VWA3B: variants seen among roughly 807,000 people sequenced by gnomAD.
The protein encoded by VWA3B is von Willebrand factor A domain-containing protein 3B.
Under a neutral mutation model 158.3 loss-of-function variants are expected in VWA3B, and 138 were observed. The ratio of observed to expected loss-of-function variants is 0.87; its 90% CI spans 0.76 to 1.00. The LOEUF (loss-of-function observed/expected upper bound fraction) is 1.00, where lower values mean the gene tolerates loss of function less well. Ranked by LOEUF, VWA3B falls within the 50% of genes least tolerant of loss-of-function variation. The pLI is 0.00. For missense variants in VWA3B, 1,555 were observed against 1,565.1 expected (o/e 0.99, Z 0.11); for synonymous variants, 596 against 587.3 (o/e 1.01, Z -0.21).
At position 98,185,372 on chromosome 2, in the gene VWA3B, T is replaced by TAATGCC. The variant is rs528010880; in HGVS notation, c.1312-2600_1312-2595dup. Among the ~76,000 whole-genome samples, 5 of 152,378 alleles carry TAATGCC rather than the reference T, an allele frequency of 3.3e-5. No homozygotes were observed. In the South Asian group the frequency reaches 1.0e-3, roughly 32 times the overall value. On this transcript the variant is annotated intron_variant, in intron 9 of 27. Transcript: ENST00000477737. The stretch of plus-strand genomic sequence containing the variant: ...GCAAAACCCCAGATTTAACCCTGGC[T>TAATGCC]AATGCCAACTTTCCGTCTTTTCTGG...
rs1026143982 is a variant in VWA3B, at chr2:98,194,237, A to C, written c.1606-124A>C. ...AGATAGGATATTCTCTATTGAATAT[A>C]ATTTTTTGCTTCTTGAACTGAAAAT... On this transcript the variant is annotated intron_variant, in intron 11 of 27. Coordinates refer to ENST00000477737, the MANE Select transcript of VWA3B (RefSeq NM_144992.5). 5 of 875,788 alleles carry C rather than the reference A, an allele frequency of 5.7e-6. No individual in the cohort carries two copies. The Admixed American group carries it at 1.0e-4, about 18-fold the overall frequency. The allele number at this position is 875,788 out of a possible 1,614,324, so 54.3% of individuals were successfully genotyped here.
chr2:98,302,163 T>A (rs1020930685), intron 25 of VWA3B, among the ~76,000 whole-genome samples: 29 of 151,020 alleles, frequency 1.9e-4, no homozygotes, highest in African/African-American at 6.6e-4. Context: ...GTGGGCTTTT[T>A]CAAGTCCCAG....
intron 8 of VWA3B, among the ~76,000 whole-genome samples, chr2:98,167,233 G>C (rs1679159326): frequency 6.6e-6 from 1 of 152,184 alleles, no homozygotes; most frequent in South Asian, 2.1e-4. Context: ...AGTACCAGGA[G>C]GGCAGTTTCT....
At chr2:98,118,316 C>G (rs1429670354) in intron 3 of VWA3B, among the ~76,000 whole-genome samples, 2 of 152,014 alleles carry the variant, frequency 1.3e-5, no homozygotes, top group African/African-American at 4.8e-5. Context: ...GATGCTGGAG[C>G]TTGAGGAATG....
At chr2:98,248,875 CTTTCTT>C (rs200306035) in intron 19 of VWA3B, among the ~76,000 whole-genome samples, 2 of 46,268 alleles carry the variant, frequency 4.3e-5, no homozygotes, top group African/African-American at 7.5e-5. Flanking sequence ...TTCTTTCTTT[CTTTCTT>C]TCTCTCTTTC....
intron 20 of VWA3B, among the ~76,000 whole-genome samples, chr2:98,252,704 G>A (rs1686874094): frequency 6.6e-6 from 1 of 152,076 alleles, no homozygotes; most frequent in Non-Finnish European, 1.5e-5. Context: ...GAGTGAAATC[G>A]TCATCTGGTT....
chr2:98,269,187 C>T (rs1688050285), intron 21 of VWA3B, among the ~76,000 whole-genome samples: 1 of 152,082 alleles, frequency 6.6e-6, no homozygotes, highest in Non-Finnish European at 1.5e-5. Flanking sequence ...CTATCTCATC[C>T]GATTTTCACA....
intron 2 of VWA3B, among the ~76,000 whole-genome samples, chr2:98,100,643 G>A (rs1003561553): frequency 2.0e-5 from 3 of 152,190 alleles, no homozygotes; most frequent in African/African-American, 4.8e-5. Context: ...CTTAGTCCAC[G>A]AGTACCGGCC....
intron 2 of VWA3B, among the ~76,000 whole-genome samples, chr2:98,098,126 T>G (rs1274167336): frequency 6.6e-6 from 1 of 152,180 alleles, no homozygotes; most frequent in Admixed American, 6.5e-5. Flanking sequence ...GTAAGACTTG[T>G]TTTGTGACCT....
intron 13 of VWA3B, chr2:98,216,974 T>C (rs748587436): frequency 1.7e-6 from 2 of 1,208,836 alleles, no homozygotes; most frequent in African/African-American, 2.1e-5. Context: ...ATGTGTATCA[T>C]TGTAAGCACC....
At chr2:98,209,041 G>A (rs1276200631) in intron 12 of VWA3B, among the ~76,000 whole-genome samples, 3 of 152,092 alleles carry the variant, frequency 2.0e-5, no homozygotes, top group South Asian at 2.1e-4. Flanking sequence ...AAAATGTGGC[G>A]CCTCTTCCTC....
chr2:98,103,321 GCTTA>G (rs1477118067), intron 2 of VWA3B, among the ~76,000 whole-genome samples: 1 of 151,704 alleles, frequency 6.6e-6, no homozygotes, highest in Non-Finnish European at 1.5e-5. Flanking sequence ...ATTTCTTTCT[GCTTA>G]CTTTGAGCTT....
chr2:98,176,493 C>A (rs1680029641), intron 8 of VWA3B, among the ~76,000 whole-genome samples: 2 of 149,584 alleles, frequency 1.3e-5, no homozygotes, highest in African/African-American at 4.9e-5. Flanking sequence ...TTCGGTCTTC[C>A]CCTCCCTCCC....
rs569017210 is a variant in VWA3B at position 98,285,938 on chromosome 2, T to C, written c.3046-4573T>C. Among the ~76,000 whole-genome samples the C allele has an allele frequency of 2.6e-5, 4 of 152,278 alleles. No individual in the cohort carries two copies. The South Asian group carries it at 8.3e-4, about 32-fold the overall frequency. Reference sequence around the variant, plus strand: ...ATGGTATGTCACTCTACTTATTAGATCTTTGATTTCTCTCAATGATATTTT... The same window carrying C: ...ATGGTATGTCACTCTACTTATTAGACCTTTGATTTCTCTCAATGATATTTT... On this transcript the variant is annotated intron_variant, in intron 22 of 27. Transcript: ENST00000477737.
chr2:98,295,528 C>T (rs150293845), intron 23 of VWA3B, among the ~76,000 whole-genome samples: 58 of 152,326 alleles, frequency 3.8e-4, no homozygotes, highest in Middle Eastern at 6.8e-3. Context: ...AGGGAGCCAA[C>T]TCATCCCCAG....
chr2:98,171,216 G>A (rs888227180), intron 8 of VWA3B, among the ~76,000 whole-genome samples: 2 of 152,140 alleles, frequency 1.3e-5, no homozygotes, highest in Non-Finnish European at 2.9e-5. Flanking sequence ...CATGGAACGG[G>A]CCCTCATAAA....
In VWA3B at chr2:98,236,669, C is replaced by T. The variant is rs188218936; in HGVS notation, c.2612C>T (p.Pro871Leu). The T allele has an allele frequency of 2.3e-4, 377 of 1,614,220 alleles. 3 individuals are homozygous for T. In the East Asian group the frequency reaches 6.6e-3, roughly 28 times the overall value. ...LMDALSVAAVPHSSTYVPVLD... is the reference protein window; with the variant it reads ...LMDALSVAAVLHSSTYVPVLD... ...GATGCCTTGTCAGTGGCAGCAGTCC[C>T]GCACAGCTCCACCTATGTTCCCGTC... The change falls in exon 19 of 28, where the codon CCG becomes CTG. Residue 871 changes from proline to leucine, a missense_variant. Transcript: ENST00000477737.
chr2:98,202,768 T>C (rs1682668339), intron 12 of VWA3B, among the ~76,000 whole-genome samples: 1 of 152,196 alleles, frequency 6.6e-6, no homozygotes, highest in South Asian at 2.1e-4. Context: ...GACATTTAAG[T>C]CTATGATCTG....
intron 23 of VWA3B, among the ~76,000 whole-genome samples, chr2:98,296,085 G>C (rs1047631762): frequency 1.1e-4 from 16 of 152,204 alleles, no homozygotes; most frequent in African/African-American, 3.9e-4. Context: ...AGTGATAAAT[G>C]GTTTAGGCTT....
Sources: allele counts gnomAD v4.1 joint callset (sites outside exome capture counted in the v4.1 genomes callset), GRCh38; gene constraint gnomAD v4.1.1; transcripts MANE v1.5; gene names NCBI Gene and HGNC (gene_info 2026-07-23, HGNC 2026-07-21).